The following STPG2 variants were observed in gnomAD, a reference collection of about 807,000 sequenced individuals.
STPG2 encodes sperm-tail PG-rich repeat-containing protein 2.
A neutral mutation model predicts 54.2 loss-of-function variants in STPG2; 56 were observed. The observed-to-expected ratio is 1.03, with a 90% confidence interval of 0.83 to 1.29. STPG2 has a LOEUF of 1.29. Ranked by LOEUF, STPG2 falls within the 50% of genes most tolerant of loss-of-function variation. The pLI, the probability that STPG2 is intolerant of heterozygous loss-of-function variation, is 0.00. For missense variants in STPG2, 596 were observed against 544.9 expected (o/e 1.09, Z -0.93); for synonymous variants, 200 against 181.8 (o/e 1.10, Z -0.81).
intron 4 of STPG2, among the ~76,000 whole-genome samples, chr4:97,523,890 A>G (rs1243057438): frequency 6.6e-6 from 1 of 152,008 alleles, no homozygotes; most frequent in Non-Finnish European, 1.5e-5. Flanking sequence ...TAGGACTTTC[A>G]GTAAAGTGAG....
At chr4:97,799,116 A>G (rs1727294388) in intron 9 of STPG2, among the ~76,000 whole-genome samples, 1 of 132,388 alleles carries the variant, frequency 7.6e-6, no homozygotes, top group Non-Finnish European at 1.6e-5. Context: ...CAGCACACTG[A>G]TGGGTCTTGA....
At chr4:97,829,458 T>C (rs768233765) in intron 9 of STPG2, among the ~76,000 whole-genome samples, 1 of 152,062 alleles carries the variant, frequency 6.6e-6, no homozygotes, top group Non-Finnish European at 1.5e-5. Flanking sequence ...AACCAGAACA[T>C]CTCTTCTACT....
At chr4:97,870,048 T>C (rs1047382872) in intron 8 of STPG2, among the ~76,000 whole-genome samples, 3 of 151,676 alleles carry the variant, frequency 2.0e-5, no homozygotes, top group African/African-American at 4.8e-5. Flanking sequence ...TGCTAATTTA[T>C]ATTTAACATC....
intron 7 of STPG2, among the ~76,000 whole-genome samples, chr4:97,951,628 T>C (rs996352698): frequency 4.6e-5 from 7 of 152,138 alleles, no homozygotes; most frequent in African/African-American, 1.4e-4. Context: ...CTTTGCATGA[T>C]AACCTTCTCA....
intron 4 of STPG2, among the ~76,000 whole-genome samples, chr4:97,502,081 T>C (rs926937403): frequency 1.3e-5 from 2 of 151,988 alleles, no homozygotes; most frequent in Admixed American, 1.3e-4. Flanking sequence ...AGTTGATAAA[T>C]AGACACACAA....
intron 5 of STPG2, among the ~76,000 whole-genome samples, chr4:97,990,740 C>T (rs1363844179): frequency 6.6e-6 from 1 of 152,100 alleles, no homozygotes; most frequent in African/African-American, 2.4e-5. Context: ...TTTATTGAAA[C>T]AGGTTATTTA....
At chr4:97,897,062 C>T (rs1323589510) in intron 8 of STPG2, among the ~76,000 whole-genome samples, 4 of 151,986 alleles carry the variant, frequency 2.6e-5, no homozygotes, top group Non-Finnish European at 5.9e-5. Flanking sequence ...TCCTCCCACC[C>T]TCCACCTTTC....
intron 8 of STPG2, among the ~76,000 whole-genome samples, chr4:97,923,244 G>A (rs1353710509): frequency 6.6e-6 from 1 of 152,258 alleles, no homozygotes; most frequent in African/African-American, 2.4e-5. Flanking sequence ...GCCTGCGGGG[G>A]GGTGTGGAGA....
chr4:97,599,911 GGAA>G (rs1488210216), intron 10 of STPG2, among the ~76,000 whole-genome samples: 5 of 152,018 alleles, frequency 3.3e-5, no homozygotes, highest in Admixed American at 6.6e-5. Flanking sequence ...CTTAGTCATA[GGAA>G]GAAGGAGATC....
chr4:98,011,379 G>C (rs1172260521), intron 5 of STPG2, among the ~76,000 whole-genome samples: 1 of 152,076 alleles, frequency 6.6e-6, no homozygotes. Context: ...ATTTGGGTTG[G>C]TTCCATGTCT....
chr4:98,043,135 A>G (rs1028044840), intron 5 of STPG2, among the ~76,000 whole-genome samples: 3 of 152,066 alleles, frequency 2.0e-5, no homozygotes, highest in Non-Finnish European at 4.4e-5. Context: ...CTTTTCTAAC[A>G]TAACTACAGC....
intron 9 of STPG2, among the ~76,000 whole-genome samples, chr4:97,798,382 G>A (rs1431634149): frequency 6.6e-6 from 1 of 152,010 alleles, no homozygotes; most frequent in Non-Finnish European, 1.5e-5. Context: ...GGTATGTTGT[G>A]TCTTTGTTCT....
At chr4:97,858,462 G>T (rs1729400970) in intron 8 of STPG2, among the ~76,000 whole-genome samples, 1 of 152,064 alleles carries the variant, frequency 6.6e-6, no homozygotes. Flanking sequence ...GTTGCACAAA[G>T]AAGTTATTTA....
rs182020262 is a variant in STPG2 at position 98,078,579 on chromosome 4, A to G, written c.612+27374T>C. 4.2e-3 allele frequency among the ~76,000 whole-genome samples: 643 copies of G among 152,074 alleles called. 3 individuals are homozygous for G. The highest frequency in any genetic ancestry group is 0.024 in the South Asian group (117 of 4,828). On this transcript the variant is annotated intron_variant, in intron 5 of 10. Coordinates refer to ENST00000295268, the MANE Select transcript of STPG2 (RefSeq NM_174952.3). Reference sequence around the variant, plus strand: ...AAGCCTTGCAATAGATTTAAAAAAAAAAAAGAAAAGAAAAAGGAAAAGCAG... The same window carrying G: ...AAGCCTTGCAATAGATTTAAAAAAAGAAAAGAAAAGAAAAAGGAAAAGCAG...
chr4:97,635,141 C>T (rs1217529012), intron 10 of STPG2, among the ~76,000 whole-genome samples: 2 of 152,038 alleles, frequency 1.3e-5, no homozygotes, highest in Non-Finnish European at 2.9e-5. Flanking sequence ...CAGCGGATCT[C>T]TCAGCAGAAA....
At chr4:97,885,693 C>G (rs1262822612) in intron 8 of STPG2, among the ~76,000 whole-genome samples, 1 of 152,050 alleles carries the variant, frequency 6.6e-6, no homozygotes, top group Admixed American at 6.6e-5. Flanking sequence ...GTGAATTCCA[C>G]AAATACAATG....
chr4:97,757,795 A>G (rs1019937841), intron 9 of STPG2, among the ~76,000 whole-genome samples: 4 of 152,190 alleles, frequency 2.6e-5, no homozygotes, highest in African/African-American at 9.7e-5. Flanking sequence ...TTGTAGATAG[A>G]CAATAGCTTG....
chr4:98,021,146 GT>G (rs1186606053), intron 5 of STPG2, among the ~76,000 whole-genome samples: 2 of 149,176 alleles, frequency 1.3e-5, no homozygotes, highest in African/African-American at 2.5e-5. Context: ...GCTTTCTCTT[GT>G]GGGCATTTAG....
At chr4:97,970,765 C>A (rs1734297355) in intron 7 of STPG2, among the ~76,000 whole-genome samples, 1 of 152,268 alleles carries the variant, frequency 6.6e-6, no homozygotes, top group East Asian at 1.9e-4. Context: ...GACTTCATGT[C>A]TAAAACACCA....
Sources: gnomAD v4.1 joint callset for allele counts (sites outside exome capture counted in the v4.1 genomes callset) on GRCh38, gnomAD v4.1.1 for gene constraint, MANE v1.5 for transcripts, NCBI Gene and HGNC (gene_info 2026-07-23, HGNC 2026-07-21) for gene names.